The following CELF4 variants were observed in gnomAD, a reference collection of about 807,000 sequenced individuals.
CELF4 encodes CUGBP Elav-like family member 4.
In CELF4, 18 loss-of-function variants were observed where a neutral mutation model predicts 59.9. That is an observed-to-expected ratio of 0.30 (90% CI 0.21 to 0.45). The LOEUF (loss-of-function observed/expected upper bound fraction) is 0.45. CELF4 is among the 20% of genes least tolerant of loss of function. The probability of loss-of-function intolerance (pLI) is 1.00; values close to 1 mark genes in which losing one functional copy is unlikely to be tolerated. For synonymous variants in CELF4, 261 were observed against 267.1 expected, an observed-to-expected ratio of 0.98 and a Z score of 0.22; for missense variants, 456 against 689.0, an observed-to-expected ratio of 0.66 and a Z score of 3.79.
At chr18:37,439,864 T>C (rs1307315567) in intron 2 of CELF4, among the ~76,000 whole-genome samples, 1 of 152,192 alleles carries the variant, frequency 6.6e-6, no homozygotes, top group African/African-American at 2.4e-5. Flanking sequence ...GACATTTATA[T>C]GTGTATTAAA....
chr18:37,272,966 C>T, intron 7 of CELF4, 50 bp downstream of exon 7: 1 of 1,553,498 alleles, frequency 6.4e-7, no homozygotes, highest in African/African-American at 1.4e-5. Flanking sequence ...AGCCTGGGGC[C>T]AGCTGTTCTC....
At chr18:37,415,756 C>G (rs574846353) in intron 2 of CELF4, among the ~76,000 whole-genome samples, 1 of 152,274 alleles carries the variant, frequency 6.6e-6, no homozygotes, top group East Asian at 1.9e-4. Flanking sequence ...AAAAGAGGAG[C>G]TAAACTAGCA....
At chr18:37,349,785 C>G (rs1428551810) in intron 2 of CELF4, among the ~76,000 whole-genome samples, 2 of 152,242 alleles carry the variant, frequency 1.3e-5, no homozygotes, top group African/African-American at 4.8e-5. Flanking sequence ...AGTTTTCCAG[C>G]AGCACGAGGC....
intron 3 of CELF4, among the ~76,000 whole-genome samples, chr18:37,277,538 G>T (rs948482802): frequency 2.0e-5 from 3 of 152,174 alleles, no homozygotes; most frequent in African/African-American, 7.2e-5. Context: ...GAAAGGGAGT[G>T]GGGGAGAGAA....
intron 2 of CELF4, among the ~76,000 whole-genome samples, chr18:37,353,220 C>CAAA (rs768540669): frequency 0.058 from 5,557 of 96,618 alleles, 558 homozygotes; most frequent in East Asian, 0.32. Flanking sequence ...GACTCCGTCT[C>CAAA]AAAAAAAAAA....
chr18:37,374,089 T>C (rs1160186382), intron 2 of CELF4, among the ~76,000 whole-genome samples: 1 of 152,134 alleles, frequency 6.6e-6, no homozygotes, highest in African/African-American at 2.4e-5. Flanking sequence ...GCCAGAAAGG[T>C]GGCTACCCCA....
At chr18:37,344,909 G>A (rs1290034551) in intron 2 of CELF4, among the ~76,000 whole-genome samples, 1 of 152,156 alleles carries the variant, frequency 6.6e-6, no homozygotes, top group African/African-American at 2.4e-5. Flanking sequence ...CCTTTTTGCA[G>A]ACTCTAAGAG....
At chr18:37,415,405 G>A (rs531350745) in intron 2 of CELF4, among the ~76,000 whole-genome samples, 1 of 152,188 alleles carries the variant, frequency 6.6e-6, no homozygotes, top group Admixed American at 6.5e-5. Context: ...AAAGCAGGGA[G>A]GCACCCCTTG....
chr18:37,470,872 GTGTGTGTGTGTGTGTGAC>G (rs2099819553), intron 2 of CELF4, among the ~76,000 whole-genome samples: 1 of 121,174 alleles, frequency 8.3e-6, no homozygotes. Flanking sequence ...GTGTGTGTGT[GTGTGTGTGTGTGTGTGAC>G]AGAGAGAGAG....
intron 2 of CELF4, among the ~76,000 whole-genome samples, chr18:37,377,266 G>A (rs913137059): frequency 1.6e-4 from 24 of 152,164 alleles, no homozygotes; most frequent in African/African-American, 5.8e-4. Context: ...AAGACTGCCT[G>A]AGGACGGCCT....
At chr18:37,409,295 A>G (rs1217887758) in intron 2 of CELF4, among the ~76,000 whole-genome samples, 1 of 152,090 alleles carries the variant, frequency 6.6e-6, no homozygotes, top group African/African-American at 2.4e-5. Context: ...GCCAATGGGG[A>G]GGGCCCCCTC....
chr18:37,319,449 C>A (rs975179990), intron 3 of CELF4, among the ~76,000 whole-genome samples: 2 of 152,226 alleles, frequency 1.3e-5, no homozygotes, highest in African/African-American at 4.8e-5. Flanking sequence ...CAGGCAGCCC[C>A]AAGACACCAG....
chr18:37,275,926 C>A (rs929813729), intron 3 of CELF4: 1 of 152,278 alleles, frequency 6.6e-6, no homozygotes, highest in Non-Finnish European at 1.5e-5. Context: ...GAGACCAGGC[C>A]TCTCTGCTGA....
chr18:37,418,304 C>A (rs1017212913), intron 2 of CELF4, among the ~76,000 whole-genome samples: 1 of 152,152 alleles, frequency 6.6e-6, no homozygotes, highest in Non-Finnish European at 1.5e-5. Context: ...TGGTCAAGCA[C>A]GGGCAGGTCT....
intron 2 of CELF4, among the ~76,000 whole-genome samples, chr18:37,478,480 C>T (rs1410242223): frequency 1.3e-5 from 2 of 152,164 alleles, no homozygotes; most frequent in East Asian, 3.9e-4. Context: ...TCGTGGGGGC[C>T]ACTGAGAAGA....
intron 1 of CELF4, among the ~76,000 whole-genome samples, chr18:37,499,872 C>T (rs941913259): frequency 2.6e-5 from 4 of 152,218 alleles, no homozygotes; most frequent in African/African-American, 2.4e-5. Context: ...ACAGACTCAT[C>T]AATGAATGAA....
At chr18:37,493,638 G>A (rs987510785) in intron 1 of CELF4, among the ~76,000 whole-genome samples, 1 of 151,754 alleles carries the variant, frequency 6.6e-6, no homozygotes, top group African/African-American at 2.4e-5. Flanking sequence ...GTCTTCCTCA[G>A]AGGAGGCAGC....
At chr18:37,458,795 A>G (rs1184009077) in intron 2 of CELF4, among the ~76,000 whole-genome samples, 2 of 152,178 alleles carry the variant, frequency 1.3e-5, no homozygotes, top group East Asian at 1.9e-4. Flanking sequence ...ACTGCTTACA[A>G]AGCTCATTAA....
At chr18:37,327,780 C>T (rs1050219767) in intron 2 of CELF4, among the ~76,000 whole-genome samples, 2 of 152,210 alleles carry the variant, frequency 1.3e-5, no homozygotes, top group African/African-American at 4.8e-5. Context: ...TTGTCCACCT[C>T]TGTGCCCTCT....
Sources: allele counts gnomAD v4.1 joint callset (sites outside exome capture counted in the v4.1 genomes callset), GRCh38; gene constraint gnomAD v4.1.1; transcripts MANE v1.5; gene names NCBI Gene and HGNC (gene_info 2026-07-23, HGNC 2026-07-21).